The following SLC35F3 variants were observed in gnomAD, a reference collection of about 807,000 sequenced individuals.
SLC35F3 encodes the protein putative thiamine transporter SLC35F3.
In SLC35F3, 25 loss-of-function variants were observed where a neutral mutation model predicts 49.9. The ratio of observed to expected loss-of-function variants is 0.50; its 90% CI spans 0.37 to 0.70. The LOEUF is 0.70. Ranked by LOEUF, SLC35F3 falls within the 30% of genes least tolerant of loss-of-function variation. The probability of loss-of-function intolerance (pLI) is 0.00; values close to 1 mark genes in which losing one functional copy is unlikely to be tolerated. For missense variants in SLC35F3, 525 were observed against 639.8 expected, an observed-to-expected ratio of 0.82 and a Z score of 1.94; for synonymous variants, 275 against 265.4, an observed-to-expected ratio of 1.04 and a Z score of -0.35.
intron 2 of SLC35F3, among the ~76,000 whole-genome samples, chr1:233,929,096 C>T (rs915638564): frequency 6.6e-6 from 1 of 151,346 alleles, no homozygotes; most frequent in African/African-American, 2.4e-5. Context: ...AGGCAGTACT[C>T]TGTCTACCAT....
intron 2 of SLC35F3, among the ~76,000 whole-genome samples, chr1:233,997,686 C>A (rs1395989931): frequency 6.6e-6 from 1 of 152,068 alleles, no homozygotes; most frequent in African/African-American, 2.4e-5. Context: ...TCTTTCACTT[C>A]TTTTATTTTG....
chr1:234,004,582 G>A (rs1053592076), intron 2 of SLC35F3, among the ~76,000 whole-genome samples: 1 of 148,306 alleles, frequency 6.7e-6, no homozygotes, highest in Admixed American at 6.8e-5. Flanking sequence ...AATAGACTCT[G>A]TATTGAGTCA....
At chr1:234,252,712 T>C (rs530648625) in intron 3 of SLC35F3, among the ~76,000 whole-genome samples, 2 of 152,354 alleles carry the variant, frequency 1.3e-5, no homozygotes, top group Non-Finnish European at 2.9e-5. Context: ...GGAGACTTGA[T>C]AATATGCCAT....
intron 2 of SLC35F3, among the ~76,000 whole-genome samples, chr1:234,155,122 T>A (rs867725810): frequency 1.2e-4 from 19 of 152,334 alleles, no homozygotes; most frequent in African/African-American, 3.1e-4. Context: ...TATTATTTAT[T>A]GTTATTTTTC....
intron 3 of SLC35F3, among the ~76,000 whole-genome samples, chr1:234,236,146 A>T (rs1228114420): frequency 1.3e-5 from 2 of 152,130 alleles, no homozygotes; most frequent in Non-Finnish European, 2.9e-5. Context: ...GTTTCTTAGA[A>T]GAAGTTAGCT....
intron 2 of SLC35F3, among the ~76,000 whole-genome samples, chr1:234,202,549 TG>T (rs1666914675): frequency 6.6e-6 from 1 of 152,272 alleles, no homozygotes; most frequent in Non-Finnish European, 1.5e-5. Context: ...CTGATGCCTG[TG>T]AATGACGTGC....
intron 2 of SLC35F3, among the ~76,000 whole-genome samples, chr1:233,954,846 A>C (rs913319107): frequency 6.6e-6 from 1 of 151,782 alleles, no homozygotes; most frequent in Non-Finnish European, 1.5e-5. Flanking sequence ...CCAGTCTTCA[A>C]TTTTTTTTCT....
At chr1:234,018,079 A>G (rs1209274234) in intron 2 of SLC35F3, among the ~76,000 whole-genome samples, 1 of 152,176 alleles carries the variant, frequency 6.6e-6, no homozygotes, top group Non-Finnish European at 1.5e-5. Flanking sequence ...ACAAGAAGGC[A>G]GAGGCCTTCT....
intron 2 of SLC35F3, among the ~76,000 whole-genome samples, chr1:234,131,709 T>C (rs1044231668): frequency 1.3e-5 from 2 of 152,208 alleles, no homozygotes; most frequent in African/African-American, 4.8e-5. Context: ...TTAAAGATGC[T>C]GCTCACTGTG....
intron 3 of SLC35F3, among the ~76,000 whole-genome samples, chr1:234,275,334 CA>C (rs1018623772): frequency 1.1e-3 from 164 of 143,240 alleles, no homozygotes; most frequent in African/African-American, 1.9e-3. Context: ...CCCAAAATCC[CA>C]AAAAAAAAAA....
chr1:234,286,298 G>T (rs903030715), intron 3 of SLC35F3, among the ~76,000 whole-genome samples: 2 of 152,110 alleles, frequency 1.3e-5, no homozygotes, highest in Admixed American at 6.5e-5. Flanking sequence ...ACAACTGGCT[G>T]GCTGGAAAGA....
chr1:234,323,139 C>T lies in SLC35F3; in HGVS notation c.1369C>T (p.Arg457Ter). ...WDVWLIKLLT[R>*]LKVRKKEEPA... ...TGTCTGGTTGATCAAGCTGCTCACCCGACTCAAAGTGAGGAAGAAGGAGGA... is the reference window on the plus strand; with the variant it reads ...TGTCTGGTTGATCAAGCTGCTCACCTGACTCAAAGTGAGGAAGAAGGAGGA... The change falls in exon 8 of 8, where the codon CGA becomes TGA. Residue 457 changes from arginine to a stop codon, truncating the protein, a stop_gained. Coordinates refer to ENST00000366618, the MANE Select transcript of SLC35F3 (RefSeq NM_173508.4). LOFTEE classifies it high-confidence loss of function. This position sits in a 1 kb window ranked among gnomAD's most constrained non-coding sequence, Gnocchi z 4.5. 6.2e-7 allele frequency: 1 copy of T among 1,614,134 alleles called. No individual in the cohort carries two copies. Among genetic ancestry groups the T allele is most frequent in the Admixed American group, 1.7e-5 (1 of 60,004 alleles).
chr1:233,966,983 A>C (rs1334182500), intron 2 of SLC35F3, among the ~76,000 whole-genome samples: 1 of 152,192 alleles, frequency 6.6e-6, no homozygotes, highest in Non-Finnish European at 1.5e-5. Flanking sequence ...TGGAACTTCT[A>C]CAGGGTCATG....
intron 2 of SLC35F3, among the ~76,000 whole-genome samples, chr1:233,906,463 G>A (rs183653816): frequency 1.4e-3 from 206 of 152,242 alleles, no homozygotes; most frequent in Non-Finnish European, 2.2e-3. Context: ...CTAATTTGGT[G>A]GACATTTCTT....
chr1:234,218,530 C>T (rs1667156257), intron 2 of SLC35F3, among the ~76,000 whole-genome samples: 1 of 152,128 alleles, frequency 6.6e-6, no homozygotes, highest in South Asian at 2.1e-4. Flanking sequence ...AGAGATTGTT[C>T]CATTATCTCT....
At chr1:234,108,383 T>G (rs1665324457) in intron 2 of SLC35F3, among the ~76,000 whole-genome samples, 1 of 94,966 alleles carries the variant, frequency 1.1e-5, no homozygotes, top group Non-Finnish European at 2.0e-5. Flanking sequence ...TATTTATATA[T>G]ATAAAAGATA....
chr1:233,965,262 G>A (rs781273159), intron 2 of SLC35F3, among the ~76,000 whole-genome samples: 1 of 152,134 alleles, frequency 6.6e-6, no homozygotes, highest in South Asian at 2.1e-4. Flanking sequence ...ATATTCTTTG[G>A]TACCGTTACT....
At position 234,244,222 on chromosome 1, in the gene SLC35F3, T is replaced by A. The variant is rs114885250; in HGVS notation, c.608+12481T>A. On this transcript the variant is annotated intron_variant, in intron 3 of 7. Coordinates refer to ENST00000366618, the MANE Select transcript of SLC35F3 (RefSeq NM_173508.4). ...GGCCAAAAGCTTCCATGTGGCTTTATTTTTATTCTGAATATAATAAAAATT... is the reference window on the plus strand; with the variant it reads ...GGCCAAAAGCTTCCATGTGGCTTTAATTTTATTCTGAATATAATAAAAATT... Among the ~76,000 whole-genome samples the A allele has an allele frequency of 5.4e-3, 830 of 152,336 alleles. 12 individuals carry two copies. The highest frequency in any genetic ancestry group is 0.019 in the African/African-American group (782 of 41,560).
intron 2 of SLC35F3, among the ~76,000 whole-genome samples, chr1:234,182,743 CTT>C (rs1203086657): frequency 6.6e-6 from 1 of 150,576 alleles, no homozygotes; most frequent in African/African-American, 2.5e-5. Context: ...TATTGTCAAA[CTT>C]TGGGATTTTT....
Sources: gnomAD v4.1 joint callset for allele counts (sites outside exome capture counted in the v4.1 genomes callset) on GRCh38, gnomAD v4.1.1 for gene constraint, Gnocchi (gnomAD v3.1) non-coding constraint, MANE v1.5 for transcripts, NCBI Gene and HGNC (gene_info 2026-07-23, HGNC 2026-07-21) for gene names.